Variants in GK5 observed in about 807,000 individuals in gnomAD.
The protein encoded by GK5 is glycerol kinase 5.
A neutral mutation model predicts 77.3 loss-of-function variants in GK5; 39 were observed. The observed-to-expected ratio is 0.50, with a 90% CI of 0.39 to 0.66. The LOEUF is 0.66. GK5 is among the 30% of genes least tolerant of loss of function. The pLI is 0.00. For synonymous variants in GK5, 211 were observed against 208.0 expected (o/e 1.01, Z -0.13); for missense variants, 487 against 633.8 (o/e 0.77, Z 2.49).
chr3:142,181,615 A>G (rs1184514403), intron 10 of GK5, 50 bp from the exon 11 acceptor site: 15 of 1,216,212 alleles, frequency 1.2e-5, no homozygotes, highest in Non-Finnish European at 1.8e-5. Context: ...ATAATTCATT[A>G]TAGAGACTTC....
At chr3:142,173,245 T>A (rs2063563776) in intron 12 of GK5, 2 of 417,412 alleles carry the variant, frequency 4.8e-6, no homozygotes, top group Non-Finnish European at 4.7e-6. Flanking sequence ...CTTAGCTTAA[T>A]AGCCTTACTG....
intron 2 of GK5, 27 bp downstream of exon 2, chr3:142,215,572 T>A: frequency 8.2e-7 from 1 of 1,221,026 alleles, no homozygotes; most frequent in Non-Finnish European, 1.2e-6. Context: ...CCATAAAGAT[T>A]ATTGTTATTT....
At chr3:142,207,297 CTCTTTAGGGTTAAGACATACTCCCT>C (rs1266061882) in intron 3 of GK5, among the ~76,000 whole-genome samples, 1 of 152,150 alleles carries the variant, frequency 6.6e-6, no homozygotes, top group Non-Finnish European at 1.5e-5. Flanking sequence ...TCTTCTAGGC[CTCTTTAGGGTTAAGACATACTCCCT>C]TCTGAGAATT....
At chr3:142,193,510 A>G (rs1263143491) in intron 5 of GK5, among the ~76,000 whole-genome samples, 1 of 151,588 alleles carries the variant, frequency 6.6e-6, no homozygotes, top group Non-Finnish European at 1.5e-5. Flanking sequence ...AAAAAAAAGC[A>G]GAAATTTTGG....
Position 142,225,323 on chromosome 3 carries a change from A to G in GK5, c.133T>C (p.Ser45Pro), listed in dbSNP as rs2064412466. 6.5e-7 allele frequency: 1 copy of G among 1,546,420 alleles called. No homozygotes were observed. Among genetic ancestry groups the G allele is most frequent in the Non-Finnish European group, 8.7e-7 (1 of 1,146,762 alleles). ...VYDRAARVCG[S>P]SVQKVENLYP... ...CCCCAAGTCACCTTCTGCACGCTGGAGCCGCAGACCCGCGCCGCCCGGTCA... is the reference window on the plus strand; with the variant it reads ...CCCCAAGTCACCTTCTGCACGCTGGGGCCGCAGACCCGCGCCGCCCGGTCA... Residue 45 changes from serine (S) to proline (P), a missense_variant, in exon 1 of 16, where the codon TCC becomes CCC. Ser to Pro is a moderately conservative substitution (Grantham distance 74). This residue lies in a region of GK5 where 97 missense variants were observed against 86.9 expected (regional missense o/e 1.12). Transcript: ENST00000392993.
intron 3 of GK5, 121 bp from the exon 4 acceptor site, chr3:142,204,909 A>G (rs2064082151): frequency 1.6e-6 from 1 of 616,104 alleles, no homozygotes; most frequent in Non-Finnish European, 2.9e-6. Context: ...ATTTAGTTAC[A>G]TGTGCCTTTC....
chr3:142,194,283 T>C (rs759843491), intron 5 of GK5, among the ~76,000 whole-genome samples: 7 of 151,974 alleles, frequency 4.6e-5, no homozygotes, highest in Non-Finnish European at 8.8e-5. Flanking sequence ...CCCAGCACTT[T>C]GGAAGGTCGA....
chr3:142,197,848 C>T (rs1301011572), intron 5 of GK5, among the ~76,000 whole-genome samples: 1 of 151,952 alleles, frequency 6.6e-6, no homozygotes, highest in East Asian at 1.9e-4. Flanking sequence ...CATGGTGAAA[C>T]CCCATCTCTA....
rs1341262286 is a variant in GK5 at position 142,165,638 on chromosome 3, C to T, written c.1574G>A (p.Trp525Ter). The part of the protein sequence containing the change: ...WAKAVKRSMN[W>*]YNKT Reference sequence around the variant, plus strand: ...CATTTAGTGTTATGTCTTGTTATACCAATTCATGGAGCGTTTCACTGCTTT... The same window carrying T: ...CATTTAGTGTTATGTCTTGTTATACTAATTCATGGAGCGTTTCACTGCTTT... The change falls in exon 16 of 16, where the codon TGG becomes TAG. Residue 525 changes from tryptophan (W) to a stop codon, truncating the protein, a stop_gained. Coordinates refer to ENST00000392993, the MANE Select transcript of GK5 (RefSeq NM_001039547.3). LOFTEE classifies it high-confidence loss of function. 6.2e-7 allele frequency: 1 copy of T among 1,609,856 alleles called. No individual in the cohort carries two copies. The highest frequency in any genetic ancestry group is 8.5e-7 in the Non-Finnish European group (1 of 1,178,784).
intron 5 of GK5, among the ~76,000 whole-genome samples, chr3:142,195,660 GA>G (rs1379420299): frequency 5.9e-5 from 9 of 152,068 alleles, no homozygotes; most frequent in African/African-American, 2.2e-4. Context: ...CCTTGTTGAG[GA>G]TTTTTGCATT....
At chr3:142,204,505 C>T in intron 4 of GK5, 190 bp downstream of exon 4, 1 of 643,132 alleles carries the variant, frequency 1.6e-6, no homozygotes, top group Non-Finnish European at 2.9e-6. Context: ...TTAGAACTTC[C>T]TGAGGTACAA....
intron 3 of GK5, among the ~76,000 whole-genome samples, chr3:142,210,198 C>G (rs911894418): frequency 6.6e-6 from 1 of 152,118 alleles, no homozygotes; most frequent in African/African-American, 2.4e-5. Flanking sequence ...GACCTCCTGA[C>G]AGCAACTGTG....
chr3:142,173,023 C>T, intron 12 of GK5: 2 of 267,782 alleles, frequency 7.5e-6, no homozygotes, highest in South Asian at 7.7e-5. Flanking sequence ...GGCAACAAAG[C>T]AAGATACCAC....
At chr3:142,196,270 A>G (rs1414215402) in intron 5 of GK5, among the ~76,000 whole-genome samples, 6 of 151,892 alleles carry the variant, frequency 4.0e-5, no homozygotes, top group Admixed American at 1.3e-4. Flanking sequence ...TTTCGGTTTT[A>G]TTGATTTTCT....
rs989691561 is a variant in GK5, at chr3:142,158,764, G to T, written c.*6858C>A. On this transcript the variant is annotated 3_prime_UTR_variant, in exon 16 of 16. Transcript: ENST00000392993. ...CATTCTGAAACCTTTACACAAATCAGCCTGCTTTAAATAAAAAGGTTAGAA... is the reference window on the plus strand; with the variant it reads ...CATTCTGAAACCTTTACACAAATCATCCTGCTTTAAATAAAAAGGTTAGAA... 3 of 152,354 alleles carry T rather than the reference G, an allele frequency of 2.0e-5. No homozygotes were observed. The highest frequency in any genetic ancestry group is 7.2e-5 in the African/African-American group (3 of 41,382). 9.4% of individuals were successfully genotyped at this position (152,354 alleles called of 1,614,324 possible). A position where few individuals can be genotyped will look rare whatever the true frequency, so the allele number is the denominator to read the frequency against.
chr3:142,194,763 A>AT (rs1560223724), intron 5 of GK5, among the ~76,000 whole-genome samples: 10 of 150,918 alleles, frequency 6.6e-5, no homozygotes. Flanking sequence ...ATTAGTGCTA[A>AT]TTTTTTTAGG....
chr3:142,195,413 G>A (rs1415171282), intron 5 of GK5, among the ~76,000 whole-genome samples: 1 of 152,048 alleles, frequency 6.6e-6, no homozygotes. Flanking sequence ...GTGTGATCCT[G>A]GATCATTGCT....
chr3:142,194,652 C>T (rs1198547081), intron 5 of GK5, among the ~76,000 whole-genome samples: 1 of 151,892 alleles, frequency 6.6e-6, no homozygotes, highest in Non-Finnish European at 1.5e-5. Flanking sequence ...GATCATGCCA[C>T]TGTACTCAAG....
chr3:142,166,209 T>C (rs1320184946), intron 15 of GK5, among the ~76,000 whole-genome samples: 3 of 151,928 alleles, frequency 2.0e-5, no homozygotes, highest in East Asian at 1.9e-4. Context: ...ATTATATCAC[T>C]GCACTCCAGC....
Sources: allele counts gnomAD v4.1 joint callset (sites outside exome capture counted in the v4.1 genomes callset), GRCh38; gene constraint gnomAD v4.1.1; regional missense constraint gnomAD v4.1.1; transcripts MANE v1.5; gene names NCBI Gene and HGNC (gene_info 2026-07-23, HGNC 2026-07-21).